The following ELP1 variants were observed in gnomAD, a reference collection of about 807,000 sequenced individuals.
ELP1 encodes elongator acetyltransferase complex subunit 1.
ELP1 carries 131 observed loss-of-function variants against 183.2 expected under a neutral mutation model. That is an observed-to-expected ratio of 0.72 (90% CI 0.62 to 0.83). The LOEUF (loss-of-function observed/expected upper bound fraction) is 0.83. ELP1 is among the 40% of genes least tolerant of loss of function. The probability of loss-of-function intolerance (pLI) is 0.00; values close to 1 mark genes in which losing one functional copy is unlikely to be tolerated. For missense variants in ELP1, 1,550 were observed against 1,594.9 expected (o/e 0.97, Z 0.48); for synonymous variants, 555 against 569.0 (o/e 0.98, Z 0.35).
intron 14 of ELP1, among the ~76,000 whole-genome samples, chr9:108,905,724 T>C (rs952745687): frequency 2.0e-5 from 3 of 152,150 alleles, no homozygotes; most frequent in Admixed American, 6.5e-5. Context: ...CTAGGTGGTG[T>C]AGCCTACTAC....
chr9:108,924,980 A>C (rs1444773568), intron 5 of ELP1, among the ~76,000 whole-genome samples: 1 of 152,184 alleles, frequency 6.6e-6, no homozygotes, highest in African/African-American at 2.4e-5. Flanking sequence ...TCATGCACAT[A>C]TATTCTAAAA....
intron 25 of ELP1, among the ~76,000 whole-genome samples, chr9:108,896,251 C>T (rs1828541408): frequency 6.6e-6 from 1 of 151,730 alleles, no homozygotes; most frequent in Admixed American, 6.6e-5. Context: ...AGTGAGACTC[C>T]GTCTCAAAAA....
At chr9:108,932,860 C>G (rs1830043203) in intron 1 of ELP1, among the ~76,000 whole-genome samples, 1 of 152,144 alleles carries the variant, frequency 6.6e-6, no homozygotes, top group Non-Finnish European at 1.5e-5. Flanking sequence ...TCCACTGATT[C>G]AAACTCTTCG....
At chr9:108,876,514 T>C (rs528094515) in intron 35 of ELP1, among the ~76,000 whole-genome samples, 2 of 152,288 alleles carry the variant, frequency 1.3e-5, no homozygotes, top group Admixed American at 1.3e-4. Flanking sequence ...CAAGACATGA[T>C]AAGCGTATGT....
intron 10 of ELP1, 49 bp downstream of exon 10, chr9:108,916,155 T>A (rs1391947957): frequency 5.7e-6 from 8 of 1,410,972 alleles, no homozygotes; most frequent in Non-Finnish European, 8.0e-6. Context: ...CTGTCTACTT[T>A]CAACTACGTT....
In ELP1 at chr9:108,896,487, T is replaced by G; in HGVS notation, c.2736+9A>C. 1 of 1,613,814 alleles carries G rather than the reference T, an allele frequency of 6.2e-7. No homozygotes were observed. Among genetic ancestry groups the G allele is most frequent in the Non-Finnish European group, 8.5e-7 (1 of 1,179,788 alleles). On this transcript the variant is annotated intron_variant, in intron 25 of 36. Transcript: ENST00000374647. ...AACCAAATGGCATAAAAGTAAGAAC[T>G]CCACATACCTTCTGTGACTTCTCAG...
rs144202915 is a variant in ELP1 at position 108,878,732 on chromosome 9, G to T, written c.3591C>A (p.Arg1197=). The T allele has an allele frequency of 3.7e-6, 6 of 1,614,122 alleles. No homozygotes were observed. Among genetic ancestry groups the T allele is most frequent in the Non-Finnish European group, 5.1e-6 (6 of 1,180,036 alleles). The change falls in exon 34 of 37, where the codon CGC becomes CGA. Residue 1197 remains arginine, a synonymous_variant. Transcript: ENST00000374647. ...SRISARSSKN[R]RKAERKKHSL... ...TGTGCTTCTTCCGCTCCGCTTTTCG[G>T]CGATTCTTGGATGATCTCCTGTTAG... is the stretch of plus-strand genomic sequence containing the variant.
chr9:108,931,080 A>G lies in ELP1; in HGVS notation c.67T>C (p.Cys23Arg), dbSNP rs1481645757. 2 of 1,613,930 alleles carry G rather than the reference A, an allele frequency of 1.2e-6. No individual in the cohort carries two copies. Among genetic ancestry groups the G allele is most frequent in the African/African-American group, 2.7e-5 (2 of 74,926 alleles). Reference protein sequence around the residue: ...RDIQGPGNPQCFSLRTEQGTV... With the variant: ...RDIQGPGNPQRFSLRTEQGTV... Reference sequence around the variant, plus strand: ...CCCTGTTCAGTTCGGAGAGAGAAGCACTGAGGATTCCCTGGACCTTGAATA... The same window carrying G: ...CCCTGTTCAGTTCGGAGAGAGAAGCGCTGAGGATTCCCTGGACCTTGAATA... Residue 23 changes from cysteine to arginine, a missense_variant, in exon 2 of 37, where the codon TGC becomes CGC. Coordinates refer to ENST00000374647, the MANE Select transcript of ELP1 (RefSeq NM_003640.5).
rs1827839451 is a variant in ELP1 at position 108,879,570 on chromosome 9, A to G, written c.3461-13T>C. ...GGTACCTCATCATCTAGAAAAGAAGAACCAGAAGCCGATGAAAACACTGCC... is the reference window on the plus strand; with the variant it reads ...GGTACCTCATCATCTAGAAAAGAAGGACCAGAAGCCGATGAAAACACTGCC... On this transcript the variant is annotated splice_polypyrimidine_tract_variant and intron_variant, in intron 32 of 36. Coordinates refer to ENST00000374647, the MANE Select transcript of ELP1 (RefSeq NM_003640.5). The G allele has an allele frequency of 1.3e-6, 2 of 1,593,166 alleles. No individual in the cohort carries two copies. The highest frequency in any genetic ancestry group is 2.7e-5 in the African/African-American group (2 of 74,484).
intron 33 of ELP1, 87 bp downstream of exon 33, chr9:108,879,359 C>T (rs772240987): frequency 5.7e-5 from 54 of 945,922 alleles, no homozygotes; most frequent in Admixed American, 1.5e-4. Context: ...CCCACTACAC[C>T]GTCCCAGTAG....
rs977172542 is a variant in ELP1 at position 108,931,062 on chromosome 9, C to T, written c.85G>A (p.Glu29Lys). ...GNPQCFSLRTEQGTVLIGSEH... is the reference protein window; with the variant it reads ...GNPQCFSLRTKQGTVLIGSEH... Reference sequence around the variant, plus strand: ...GAACCAATGAGCACCGTCCCCTGTTCAGTTCGGAGAGAGAAGCACTGAGGA... The same window carrying T: ...GAACCAATGAGCACCGTCCCCTGTTTAGTTCGGAGAGAGAAGCACTGAGGA... The change falls in exon 2 of 37, where the codon GAA (glutamate) becomes AAA (lysine). Residue 29 changes from glutamate (E) to lysine (K), a missense_variant. Transcript: ENST00000374647. 28 of 1,614,158 alleles carry T rather than the reference C, an allele frequency of 1.7e-5. No individual in the cohort carries two copies. The highest frequency in any genetic ancestry group is 2.3e-5 in the Non-Finnish European group (27 of 1,180,018).
At chr9:108,922,585 TA>T in intron 6 of ELP1, among the ~76,000 whole-genome samples, 1 of 152,378 alleles carries the variant, frequency 6.6e-6, no homozygotes. Context: ...TGTGATGTTT[TA>T]TTTTTTAAAC....
Position 108,878,168 on chromosome 9 carries a change from A to T in ELP1, c.3701-19T>A. The T allele has an allele frequency of 6.3e-7, 1 of 1,595,896 alleles. No homozygotes were observed. Among genetic ancestry groups the T allele is most frequent in the Non-Finnish European group, 8.6e-7 (1 of 1,163,532 alleles). On this transcript the variant is annotated intron_variant, in intron 34 of 36. Transcript: ENST00000374647. ...ACTTCATCTAGAGAGAAGAAATTTG[A>T]AAGAGTGGTAAGTTATATTCCCAGC...
Position 108,931,144 on chromosome 9 carries a change from CATG to C in ELP1, c.-1_2del. The C allele has an allele frequency of 6.2e-7, 1 of 1,614,036 alleles. No individual in the cohort carries two copies. Among genetic ancestry groups the C allele is most frequent in the Non-Finnish European group, 8.5e-7 (1 of 1,179,918 alleles). ...GGGTCCGAAATAATTTCAGATTTCG[CATG>C]ATGAAGTGATTCCCACGAGACAAGT... On this transcript the variant is annotated start_lost and start_retained_variant and 5_prime_UTR_variant, in exon 2 of 37. Coordinates refer to ENST00000374647, the MANE Select transcript of ELP1 (RefSeq NM_003640.5).
intron 36 of ELP1, among the ~76,000 whole-genome samples, chr9:108,872,800 G>A (rs1827517923): frequency 1.3e-5 from 1 of 75,000 alleles, no homozygotes; most frequent in African/African-American, 9.9e-5. Context: ...GCAAGACTCT[G>A]TCTGAAAAAA....
chr9:108,878,719 G>A lies in ELP1; in HGVS notation c.3604C>T (p.Arg1202Trp), dbSNP rs201168521. 90 of 1,614,152 alleles carry A rather than the reference G, an allele frequency of 5.6e-5. No individual in the cohort carries two copies. Among genetic ancestry groups the A allele is most frequent in the South Asian group, 4.9e-4 (45 of 91,084 alleles). The stretch of plus-strand genomic sequence containing the variant: ...CCTTCTTTGAGGCTGTGCTTCTTCC[G>A]CTCCGCTTTTCGGCGATTCTTGGAT... ...RSSKNRRKAE[R>W]KKHSLKEGSP... Residue 1202 changes from arginine to tryptophan, a missense_variant, in exon 34 of 37, where the codon CGG (arginine) becomes TGG (tryptophan). Coordinates refer to ENST00000374647, the MANE Select transcript of ELP1 (RefSeq NM_003640.5).
In ELP1 at chr9:108,868,334, G is replaced by C. The variant is rs1171237519; in HGVS notation, c.*781C>G. ...TACCATGACGAAAAATAAATGAAGTGGCCTAGACACTAACAAAAATATCTG... is the reference window on the plus strand; with the variant it reads ...TACCATGACGAAAAATAAATGAAGTCGCCTAGACACTAACAAAAATATCTG... On this transcript the variant is annotated 3_prime_UTR_variant, in exon 37 of 37. Coordinates refer to ENST00000374647, the MANE Select transcript of ELP1 (RefSeq NM_003640.5). 6.0e-6 allele frequency: 1 copy of C among 167,506 alleles called. No individual in the cohort carries two copies. The highest frequency in any genetic ancestry group is 1.3e-5 in the Non-Finnish European group (1 of 78,800). The allele number at this position is 167,506 out of a possible 1,614,324, so 10.4% of individuals were successfully genotyped here. A position where few individuals can be genotyped will look rare whatever the true frequency, so the allele number is the denominator to read the frequency against.
chr9:108,880,126 GCTGT>G lies in ELP1; in HGVS notation c.3382_3385del (p.Thr1128ProfsTer12), dbSNP rs769748960. Reference sequence around the variant, plus strand: ...ACGTTTCTTGTGGCGACTGAATGTGGCTGTCTGAGAGTCCAGAAATGCCATATAA... The same window carrying G: ...ACGTTTCTTGTGGCGACTGAATGTGGCTGAGAGTCCAGAAATGCCATATAA... On this transcript the variant is annotated frameshift_variant, in exon 32 of 37. Transcript: ENST00000374647. LOFTEE classifies it high-confidence loss of function. 2.5e-6 allele frequency: 4 copies of G among 1,613,954 alleles called. No individual in the cohort carries two copies. Among genetic ancestry groups the G allele is most frequent in the Non-Finnish European group, 3.4e-6 (4 of 1,179,918 alleles).
intron 33 of ELP1, 81 bp downstream of exon 33, chr9:108,879,365 A>C: frequency 9.8e-7 from 1 of 1,024,982 alleles, no homozygotes; most frequent in South Asian, 1.3e-5. Context: ...ACACCGTCCC[A>C]GTAGAAAACC....
Sources: gnomAD v4.1 joint callset for allele counts (sites outside exome capture counted in the v4.1 genomes callset) on GRCh38, gnomAD v4.1.1 for gene constraint, MANE v1.5 for transcripts, NCBI Gene and HGNC (gene_info 2026-07-23, HGNC 2026-07-21) for gene names.